Variants in PRKX observed in about 807,000 individuals in gnomAD.
PRKX encodes protein kinase cAMP-dependent X-linked catalytic subunit.
PRKX carries 12 observed loss-of-function variants against 22.0 expected under a neutral mutation model. The observed-to-expected ratio is 0.54, with a 90% CI of 0.35 to 0.88. PRKX has a LOEUF of 0.88. PRKX is among the 40% of genes least tolerant of loss of function. The pLI is 0.01. For synonymous variants in PRKX, 134 were observed against 137.7 expected (o/e 0.97, Z 0.19); for missense variants, 217 against 308.0 (o/e 0.70, Z 2.21).
At chrX:3,615,980 T>C (rs1393722292) in intron 6 of PRKX, 88 bp from the exon 7 acceptor site, 3 of 859,986 alleles carry the variant, frequency 3.5e-6, no homozygotes, top group Non-Finnish European at 5.0e-6. Flanking sequence ...TACATTATTT[T>C]AGTATTGAAA....
intron 1 of PRKX, among the ~76,000 whole-genome samples, chrX:3,696,693 T>A (rs1017331394): frequency 2.7e-5 from 3 of 112,436 alleles, no homozygotes; most frequent in Non-Finnish European, 3.8e-5. Context: ...AATGGAATCA[T>A]CATAAATTAG....
chrX:3,673,289 G>A lies in PRKX; in HGVS notation c.335+1309C>T, dbSNP rs556238402. Among the ~76,000 whole-genome samples, 26 of 111,568 alleles carry A rather than the reference G, an allele frequency of 2.3e-4. No homozygotes were observed. In the South Asian group the frequency reaches 8.8e-3, roughly 38 times the overall value. ...AGAAGGGTGGCCTGGGAGAAGCCCCGGAATGAGTGTGTGAACAGCACCTTC... is the reference window on the plus strand; with the variant it reads ...AGAAGGGTGGCCTGGGAGAAGCCCCAGAATGAGTGTGTGAACAGCACCTTC... On this transcript the variant is annotated intron_variant, in intron 2 of 8. Coordinates refer to ENST00000262848, the MANE Select transcript of PRKX (RefSeq NM_005044.5).
chrX:3,662,322 G>C (rs1442243077), intron 2 of PRKX, among the ~76,000 whole-genome samples: 2 of 110,826 alleles, frequency 1.8e-5, no homozygotes, highest in African/African-American at 3.3e-5. Context: ...GCACTTTGCG[G>C]GGCCAAGGTG....
At chrX:3,675,982 T>C (rs1318924943) in intron 1 of PRKX, among the ~76,000 whole-genome samples, 2 of 111,025 alleles carry the variant, frequency 1.8e-5, no homozygotes, top group African/African-American at 6.6e-5. Context: ...TGGGCTCAAG[T>C]GATCCTCCTG....
chrX:3,618,356 G>A (rs2043077121), intron 6 of PRKX, among the ~76,000 whole-genome samples: 1 of 111,318 alleles, frequency 9.0e-6, no homozygotes, highest in South Asian at 3.8e-4. Context: ...AGTGGCTCTT[G>A]CCTGTAATCC....
At chrX:3,679,765 T>A (rs1255885412) in intron 1 of PRKX, among the ~76,000 whole-genome samples, 5 of 112,161 alleles carry the variant, frequency 4.5e-5, no homozygotes, top group African/African-American at 1.6e-4. Context: ...TTCAGAGACT[T>A]AGAAGGACCA....
intron 1 of PRKX, among the ~76,000 whole-genome samples, chrX:3,699,520 T>G (rs1000727071): frequency 9.2e-6 from 1 of 108,228 alleles, no homozygotes; most frequent in Non-Finnish European, 1.9e-5. Context: ...GCCCAGCTAT[T>G]TTTTTGTATT....
intron 1 of PRKX, among the ~76,000 whole-genome samples, chrX:3,706,467 G>C (rs112426963): frequency 2.6e-4 from 29 of 111,432 alleles, no homozygotes; most frequent in African/African-American, 9.5e-4. Context: ...GGGTACAGGC[G>C]TGAGCCTCCA....
intron 1 of PRKX, among the ~76,000 whole-genome samples, chrX:3,700,161 A>G (rs1928528676): frequency 8.9e-6 from 1 of 112,360 alleles, no homozygotes; most frequent in South Asian, 3.7e-4. Context: ...CTCGGTTACA[A>G]TTCTACTTCT....
At chrX:3,650,478 A>G (rs1305580168) in intron 3 of PRKX, among the ~76,000 whole-genome samples, 19 of 83,239 alleles carry the variant, frequency 2.3e-4, no homozygotes, top group East Asian at 4.0e-4. Context: ...CCGAGATCGC[A>G]CCACTGCACT....
intron 2 of PRKX, among the ~76,000 whole-genome samples, chrX:3,664,552 G>A (rs1927680269): frequency 8.9e-6 from 1 of 112,257 alleles, no homozygotes; most frequent in Non-Finnish European, 1.9e-5. Flanking sequence ...TTGAGTTTTT[G>A]TAACAGCCAT....
At chrX:3,629,527 G>C (rs1378067354) in intron 4 of PRKX, among the ~76,000 whole-genome samples, 1 of 110,274 alleles carries the variant, frequency 9.1e-6, no homozygotes, top group Non-Finnish European at 1.9e-5. Context: ...CAAAGTAATG[G>C]GACTACAGAT....
At chrX:3,636,003 T>C (rs1281907077) in intron 4 of PRKX, among the ~76,000 whole-genome samples, 1 of 112,051 alleles carries the variant, frequency 8.9e-6, no homozygotes, top group African/African-American at 3.2e-5. Context: ...GGAAAGTGCA[T>C]GAGTGATTTT....
chrX:3,705,935 G>A (rs1490402171), intron 1 of PRKX, among the ~76,000 whole-genome samples: 4 of 103,803 alleles, frequency 3.9e-5, no homozygotes, highest in East Asian at 3.0e-4. Context: ...TTCATGACCC[G>A]CCTGCCTCAG....
intron 3 of PRKX, among the ~76,000 whole-genome samples, chrX:3,653,111 C>T (rs924050953): frequency 1.5e-4 from 17 of 111,404 alleles, no homozygotes; most frequent in South Asian, 3.8e-4. Context: ...ATGTGCCCCC[C>T]GCCAAAATTC....
At chrX:3,698,198 G>A (rs758973970) in intron 1 of PRKX, among the ~76,000 whole-genome samples, 180 of 112,029 alleles carry the variant, frequency 1.6e-3, no homozygotes, top group African/African-American at 4.1e-3. Context: ...CCTGTGATGC[G>A]TATGGCTGGG....
intron 4 of PRKX, among the ~76,000 whole-genome samples, chrX:3,638,737 G>A (rs1926950913): frequency 1.8e-5 from 2 of 110,727 alleles, no homozygotes; most frequent in Non-Finnish European, 3.8e-5. Context: ...TAGGTAAGTA[G>A]ATGATTGATA....
At chrX:3,619,533 C>G (rs1278726092) in intron 6 of PRKX, among the ~76,000 whole-genome samples, 1 of 110,953 alleles carries the variant, frequency 9.0e-6, no homozygotes, top group Non-Finnish European at 1.9e-5. Flanking sequence ...TGACAGGCAT[C>G]CTTCTGAGAG....
At position 3,607,367 on chromosome X, in the gene PRKX, A is replaced by C. The variant is rs1368062629; in HGVS notation, c.*1602T>G. The C allele has an allele frequency of 9.0e-6, 1 of 111,697 alleles. No homozygotes were observed. Among genetic ancestry groups the C allele is most frequent in the Non-Finnish European group, 1.9e-5 (1 of 53,223 alleles). 9.2% of individuals were successfully genotyped at this position (111,697 alleles called of 1,213,427 possible). A position where few individuals can be genotyped will look rare whatever the true frequency, so the allele number is the denominator to read the frequency against. On this transcript the variant is annotated 3_prime_UTR_variant, in exon 9 of 9. Coordinates refer to ENST00000262848, the MANE Select transcript of PRKX (RefSeq NM_005044.5). ...TATACCTGCTGCCGAAGTCAGCACC[A>C]GTTTCACCTTTTCACATTCACGGTA...
Sources: gnomAD v4.1 joint callset for allele counts (sites outside exome capture counted in the v4.1 genomes callset) on GRCh38, gnomAD v4.1.1 for gene constraint, MANE v1.5 for transcripts, NCBI Gene and HGNC (gene_info 2026-07-23, HGNC 2026-07-21) for gene names.